PKHD1: variants seen among roughly 807,000 people sequenced by gnomAD.
The protein encoded by PKHD1 is PKHD1 ciliary IPT domain containing fibrocystin/polyductin.
Under a neutral mutation model 412.0 loss-of-function variants are expected in PKHD1, and 291 were observed. That is an observed-to-expected ratio of 0.71 (90% CI 0.64 to 0.78). The LOEUF (loss-of-function observed/expected upper bound fraction) is 0.78. Ranked by LOEUF, PKHD1 falls within the 30% of genes least tolerant of loss-of-function variation. PKHD1 has a pLI of 0.00. For missense variants in PKHD1, 4,825 were observed against 4,950.7 expected (o/e 0.97, Z 0.76); for synonymous variants, 1,777 against 1,821.5 (o/e 0.98, Z 0.62).
At chr6:51,732,445 C>CA (rs1490074972) in intron 60 of PKHD1, among the ~76,000 whole-genome samples, 5 of 151,908 alleles carry the variant, frequency 3.3e-5, no homozygotes, top group Non-Finnish European at 7.4e-5. Flanking sequence ...TCAACAATAA[C>CA]AAAAAAACCC....
At chr6:51,885,804 A>T (rs1778112770) in intron 45 of PKHD1, 63 bp downstream of exon 45, 2 of 1,071,454 alleles carry the variant, frequency 1.9e-6, no homozygotes, top group African/African-American at 3.1e-5. Flanking sequence ...TTGCTGTGAG[A>T]AAACAAGTGA....
chr6:51,829,519 C>T (rs192125310), intron 52 of PKHD1, among the ~76,000 whole-genome samples: 36 of 152,192 alleles, frequency 2.4e-4, no homozygotes, highest in African/African-American at 8.7e-4. Flanking sequence ...TGAGACAGAA[C>T]AGATTTTTCC....
chr6:51,734,469 T>G (rs1327188100), intron 60 of PKHD1, among the ~76,000 whole-genome samples: 1 of 152,212 alleles, frequency 6.6e-6, no homozygotes, highest in Non-Finnish European at 1.5e-5. Context: ...TAACAAAGCC[T>G]ATATTATGTT....
chr6:51,921,251 T>C (rs1233395410), intron 37 of PKHD1, among the ~76,000 whole-genome samples: 1 of 152,236 alleles, frequency 6.6e-6, no homozygotes, highest in African/African-American at 2.4e-5. Context: ...CTTTCTCTTG[T>C]GGGCAATTAG....
At chr6:51,833,928 C>T (rs1768718400) in intron 51 of PKHD1, among the ~76,000 whole-genome samples, 1 of 152,084 alleles carries the variant, frequency 6.6e-6, no homozygotes, top group Non-Finnish European at 1.5e-5. Context: ...TTGGTCTGGA[C>T]CAACACTCCT....
intron 2 of PKHD1, among the ~76,000 whole-genome samples, chr6:52,084,476 T>A (rs1226975164): frequency 1.3e-5 from 2 of 152,182 alleles, no homozygotes; most frequent in Non-Finnish European, 1.5e-5. Context: ...GACAAGTTAA[T>A]CTCTTTGGGA....
intron 48 of PKHD1, among the ~76,000 whole-genome samples, chr6:51,861,003 G>GGGT (rs1774098790): frequency 6.6e-6 from 1 of 151,866 alleles, no homozygotes; most frequent in Non-Finnish European, 1.5e-5. Flanking sequence ...AGTACAGATG[G>GGGT]GGTTTCACCA....
chr6:51,798,529 TA>T (rs1468431610), intron 52 of PKHD1, among the ~76,000 whole-genome samples: 14 of 152,212 alleles, frequency 9.2e-5, no homozygotes, highest in Non-Finnish European at 2.9e-5. Flanking sequence ...GTAGGTCACC[TA>T]GCCTTTCTCT....
intron 52 of PKHD1, among the ~76,000 whole-genome samples, chr6:51,829,160 T>C (rs1322210614): frequency 6.6e-6 from 1 of 152,064 alleles, no homozygotes; most frequent in Non-Finnish European, 1.5e-5. Context: ...GTGCCCCACC[T>C]CCTTTCCCCC....
intron 64 of PKHD1, among the ~76,000 whole-genome samples, chr6:51,638,009 T>C (rs1384255877): frequency 1.3e-5 from 2 of 152,224 alleles, no homozygotes; most frequent in Non-Finnish European, 2.9e-5. Flanking sequence ...CCGTTGAAAG[T>C]TTATTAAGTT....
At chr6:51,694,869 A>T (rs1047362381) in intron 60 of PKHD1, among the ~76,000 whole-genome samples, 1 of 152,140 alleles carries the variant, frequency 6.6e-6, no homozygotes, top group African/African-American at 2.4e-5. Context: ...GTACTGCCAC[A>T]TTGTCACTGC....
intron 37 of PKHD1, among the ~76,000 whole-genome samples, chr6:51,923,567 A>C (rs376679914): frequency 6.6e-6 from 1 of 152,170 alleles, no homozygotes; most frequent in African/African-American, 2.4e-5. Context: ...GTAAATTTTT[A>C]TATAGTCTTT....
intron 53 of PKHD1, among the ~76,000 whole-genome samples, chr6:51,781,695 G>A (rs1792037388): frequency 1.3e-5 from 2 of 151,828 alleles, no homozygotes; most frequent in Admixed American, 6.6e-5. Context: ...TTGGCTCTTA[G>A]CAATATTAAT....
intron 52 of PKHD1, among the ~76,000 whole-genome samples, chr6:51,827,210 T>C (rs1280119011): frequency 6.6e-6 from 1 of 152,054 alleles, no homozygotes; most frequent in Non-Finnish European, 1.5e-5. Context: ...TAATAAGCCA[T>C]TGGAAAGCAA....
intron 60 of PKHD1, among the ~76,000 whole-genome samples, chr6:51,687,372 C>T (rs746208720): frequency 6.6e-6 from 1 of 152,112 alleles, no homozygotes; most frequent in Non-Finnish European, 1.5e-5. Flanking sequence ...AATAATAGAT[C>T]CTTTTCTGTA....
intron 66 of PKHD1, among the ~76,000 whole-genome samples, chr6:51,625,283 A>G (rs1767092262): frequency 6.6e-6 from 1 of 152,192 alleles, no homozygotes; most frequent in Non-Finnish European, 1.5e-5. Context: ...ACACAGAGGG[A>G]AAAGGGAAAC....
chr6:51,643,271 T>C (rs1041996334), intron 63 of PKHD1, among the ~76,000 whole-genome samples: 3 of 152,164 alleles, frequency 2.0e-5, no homozygotes, highest in African/African-American at 7.2e-5. Context: ...CACTTCATTT[T>C]CTTACTTTCT....
At chr6:51,796,650 G>A (rs1233358658) in intron 52 of PKHD1, among the ~76,000 whole-genome samples, 1 of 151,920 alleles carries the variant, frequency 6.6e-6, no homozygotes, top group Non-Finnish European at 1.5e-5. Context: ...ATAAATTTCT[G>A]TCTTAATGCT....
intron 37 of PKHD1, 59 bp downstream of exon 37, chr6:51,934,051 C>G: frequency 7.6e-7 from 1 of 1,313,618 alleles, no homozygotes. Context: ...ACAGTTTTAT[C>G]AGTTTCCACT....
Sources: gnomAD v4.1 joint callset for allele counts (sites outside exome capture counted in the v4.1 genomes callset) on GRCh38, gnomAD v4.1.1 for gene constraint, MANE v1.5 for transcripts, NCBI Gene and HGNC (gene_info 2026-07-23, HGNC 2026-07-21) for gene names.